Variants in VWC2 observed in about 807,000 individuals in gnomAD.
VWC2 encodes the protein von Willebrand factor C domain containing 2, also known as brorin.
A neutral mutation model predicts 29.8 loss-of-function variants in VWC2; 14 were observed. The observed-to-expected ratio is 0.47, with a 90% CI of 0.31 to 0.74. The LOEUF (loss-of-function observed/expected upper bound fraction) is 0.74, where lower values mean the gene tolerates loss of function less well. VWC2 is among the 30% of genes least tolerant of loss of function. The probability of loss-of-function intolerance (pLI) is 0.05; values close to 1 mark genes in which losing one functional copy is unlikely to be tolerated. For missense variants in VWC2, 457 were observed against 459.8 expected (o/e 0.99, Z 0.05); for synonymous variants, 213 against 199.0 (o/e 1.07, Z -0.59).
chr7:49,845,311 G>C (rs768519823), intron 3 of VWC2, among the ~76,000 whole-genome samples: 7 of 152,026 alleles, frequency 4.6e-5, no homozygotes, highest in Non-Finnish European at 1.0e-4. Context: ...AAAGGTGATA[G>C]ATGATTTAAA....
intron 2 of VWC2, among the ~76,000 whole-genome samples, chr7:49,783,539 C>T (rs964863113): frequency 1.3e-5 from 2 of 152,298 alleles, no homozygotes; most frequent in East Asian, 3.9e-4. Flanking sequence ...TTTCTGACCA[C>T]GTAGCTGGAA....
intron 3 of VWC2, among the ~76,000 whole-genome samples, chr7:49,858,377 A>C (rs561253969): frequency 5.9e-5 from 9 of 152,212 alleles, no homozygotes; most frequent in African/African-American, 2.2e-4. Context: ...ATGCAGCCAT[A>C]AAAAAGGATG....
intron 3 of VWC2, among the ~76,000 whole-genome samples, chr7:49,835,123 T>C (rs959479534): frequency 1.3e-5 from 2 of 152,192 alleles, no homozygotes; most frequent in Admixed American, 6.5e-5. Context: ...CACTGGTTTA[T>C]AGCGGTAACA....
At chr7:49,901,722 G>C (rs767999488) in intron 3 of VWC2, among the ~76,000 whole-genome samples, 27 of 151,726 alleles carry the variant, frequency 1.8e-4, no homozygotes, top group Non-Finnish European at 3.0e-4. Flanking sequence ...AAAAGACCTA[G>C]AATAGCCAAC....
At chr7:49,803,818 T>G (rs1414591815) in intron 3 of VWC2, among the ~76,000 whole-genome samples, 1 of 152,134 alleles carries the variant, frequency 6.6e-6, no homozygotes, top group African/African-American at 2.4e-5. Context: ...GTCGAAATTG[T>G]GCGGGCCATG....
chr7:49,792,463 A>T (rs1045187332), intron 2 of VWC2, among the ~76,000 whole-genome samples: 1 of 152,138 alleles, frequency 6.6e-6, no homozygotes, highest in African/African-American at 2.4e-5. Context: ...GACTGCGAGG[A>T]TTGGTACCCC....
intron 3 of VWC2, among the ~76,000 whole-genome samples, chr7:49,887,021 T>C (rs946531273): frequency 4.6e-5 from 7 of 152,218 alleles, no homozygotes; most frequent in Non-Finnish European, 4.4e-5. Context: ...TTTTAAGTAC[T>C]TTTTTGCAGA....
intron 3 of VWC2, among the ~76,000 whole-genome samples, chr7:49,857,496 G>A (rs144218576): frequency 2.6e-5 from 4 of 152,212 alleles, no homozygotes; most frequent in African/African-American, 9.6e-5. Context: ...TAACATGGGA[G>A]TGTAGATATC....
chr7:49,794,183 GCTAGCAAATGT>G (rs2128704374), intron 2 of VWC2, among the ~76,000 whole-genome samples: 1 of 152,234 alleles, frequency 6.6e-6, no homozygotes, highest in African/African-American at 2.4e-5. Context: ...CCATTTGCAT[GCTAGCAAATGT>G]AAGAACTCTG....
chr7:49,821,004 GC>G (rs1238001190), intron 3 of VWC2, among the ~76,000 whole-genome samples: 1 of 151,920 alleles, frequency 6.6e-6, no homozygotes, highest in Non-Finnish European at 1.5e-5. Context: ...GAGCTGCCCA[GC>G]CCTCCCCGCC....
intron 3 of VWC2, among the ~76,000 whole-genome samples, chr7:49,808,681 A>C (rs1788930500): frequency 6.6e-6 from 1 of 152,042 alleles, no homozygotes; most frequent in Admixed American, 6.6e-5. Context: ...TTCTTTTTTG[A>C]ACACAACAGA....
intron 3 of VWC2, among the ~76,000 whole-genome samples, chr7:49,880,201 C>T (rs1337929319): frequency 6.6e-6 from 1 of 152,106 alleles, no homozygotes; most frequent in Non-Finnish European, 1.5e-5. Context: ...TTTTTTACTT[C>T]TTCATATGAT....
intron 3 of VWC2, among the ~76,000 whole-genome samples, chr7:49,821,216 A>G (rs1436078336): frequency 6.6e-6 from 1 of 152,262 alleles, no homozygotes; most frequent in Non-Finnish European, 1.5e-5. Context: ...AGTGTTTAAT[A>G]TGCACAGTTT....
At chr7:49,778,249 G>A (rs184877186) in intron 2 of VWC2, among the ~76,000 whole-genome samples, 1 of 152,088 alleles carries the variant, frequency 6.6e-6, no homozygotes. Flanking sequence ...CAAACTCTGA[G>A]GATGGGAGAT....
chr7:49,803,745 TTGGTGGA>T (rs530659790), intron 3 of VWC2, among the ~76,000 whole-genome samples: 43 of 152,080 alleles, frequency 2.8e-4, no homozygotes, highest in Non-Finnish European at 5.7e-4. Flanking sequence ...CAGGCATGTG[TTGGTGGA>T]TGGTGACACA....
At position 49,913,620 on chromosome 7, in the gene VWC2, G is replaced by A. The variant is rs1216133611; in HGVS notation, c.*1435G>A. The A allele has an allele frequency of 6.6e-6, 1 of 152,110 alleles. No homozygotes were observed. The highest frequency in any genetic ancestry group is 1.5e-5 in the Non-Finnish European group (1 of 68,026). The allele number at this position is 152,110 out of a possible 1,614,324, so 9.4% of individuals were successfully genotyped here. On this transcript the variant is annotated 3_prime_UTR_variant, in exon 4 of 4. Coordinates refer to ENST00000340652, the MANE Select transcript of VWC2 (RefSeq NM_198570.5). ...CAAAGCATTGACAACAAGGGAATAAGGCTTGATTTCTTGCCTTCTTGGACT... is the reference window on the plus strand; with the variant it reads ...CAAAGCATTGACAACAAGGGAATAAAGCTTGATTTCTTGCCTTCTTGGACT...
intron 3 of VWC2, among the ~76,000 whole-genome samples, chr7:49,807,763 A>G (rs1788911481): frequency 6.6e-6 from 1 of 152,238 alleles, no homozygotes. Context: ...GAAATAATTT[A>G]CAAATTGAAC....
At chr7:49,859,675 T>C (rs1232008600) in intron 3 of VWC2, among the ~76,000 whole-genome samples, 1 of 152,254 alleles carries the variant, frequency 6.6e-6, no homozygotes, top group Non-Finnish European at 1.5e-5. Context: ...TATAGATTTA[T>C]ACTATGTGTT....
In VWC2 at chr7:49,870,228, G is replaced by A. The variant is rs151048801; in HGVS notation, c.827-41806G>A. 2.6e-3 allele frequency among the ~76,000 whole-genome samples: 390 copies of A among 152,132 alleles called. 1 individual carries two copies. Among genetic ancestry groups the A allele is most frequent in the African/African-American group, 8.5e-3 (352 of 41,506 alleles). ...ATCCTGGCTAAGACAGTGAAACTCC[G>A]TCTCTACTAAAAATACAAAAAATTA... On this transcript the variant is annotated intron_variant, in intron 3 of 3. Coordinates refer to ENST00000340652, the MANE Select transcript of VWC2 (RefSeq NM_198570.5).
Sources: gnomAD v4.1 joint callset for allele counts (sites outside exome capture counted in the v4.1 genomes callset) on GRCh38, gnomAD v4.1.1 for gene constraint, MANE v1.5 for transcripts, NCBI Gene and HGNC (gene_info 2026-07-23, HGNC 2026-07-21) for gene names.